The following DLG2 variants were observed in gnomAD, a reference collection of about 807,000 sequenced individuals.
DLG2 encodes discs large MAGUK scaffold protein 2, also known as disks large homolog 2.
A neutral mutation model predicts 132.5 loss-of-function variants in DLG2; 45 were observed. That is an observed-to-expected ratio of 0.34 (90% CI 0.27 to 0.44). The LOEUF (loss-of-function observed/expected upper bound fraction) is 0.44, where lower values mean the gene tolerates loss of function less well. Ranked by LOEUF, DLG2 falls within the 20% of genes least tolerant of loss-of-function variation. The probability of loss-of-function intolerance (pLI) is 1.00; values close to 1 mark genes in which losing one functional copy is unlikely to be tolerated. For missense variants in DLG2, 1,045 were observed against 1,196.9 expected (o/e 0.87, Z 1.87); for synonymous variants, 424 against 419.6 (o/e 1.01, Z -0.13).
chr11:83,625,628 C>T (rs534294673), intron 19 of DLG2, among the ~76,000 whole-genome samples: 3 of 152,296 alleles, frequency 2.0e-5, no homozygotes, highest in South Asian at 4.1e-4. Context: ...AGGAATAGAA[C>T]GACTAACTGT....
chr11:85,334,874 T>C (rs1565339383), intron 3 of DLG2, among the ~76,000 whole-genome samples: 1 of 152,224 alleles, frequency 6.6e-6, no homozygotes, highest in Non-Finnish European at 1.5e-5. Context: ...ATGTTTCATG[T>C]GACAATGAAA....
chr11:83,615,441 A>C (rs891336753), intron 19 of DLG2, among the ~76,000 whole-genome samples: 2 of 152,152 alleles, frequency 1.3e-5, no homozygotes, highest in Admixed American at 1.3e-4. Context: ...CTGTTCTTGA[A>C]TGTTATATAA....
chr11:85,616,184 A>G (rs975823974), intron 2 of DLG2, among the ~76,000 whole-genome samples: 1 of 152,168 alleles, frequency 6.6e-6, no homozygotes, highest in Non-Finnish European at 1.5e-5. Flanking sequence ...TACCACACTC[A>G]TACAGTAAAA....
intron 6 of DLG2, among the ~76,000 whole-genome samples, chr11:84,865,386 A>C (rs1389677576): frequency 1.3e-5 from 2 of 152,246 alleles, no homozygotes; most frequent in African/African-American, 4.8e-5. Context: ...TTGATAAGCC[A>C]GTAGAAATTA....
chr11:85,051,743 T>C (rs1419586992), intron 6 of DLG2, among the ~76,000 whole-genome samples: 1 of 152,206 alleles, frequency 6.6e-6, no homozygotes, highest in African/African-American at 2.4e-5. Context: ...TCATTTTTTC[T>C]AGTCTTTAAA....
At chr11:85,136,444 T>C (rs1191831701) in intron 5 of DLG2, among the ~76,000 whole-genome samples, 1 of 152,198 alleles carries the variant, frequency 6.6e-6, no homozygotes, top group African/African-American at 2.4e-5. Context: ...AAACATTATG[T>C]TGTTTTTATA....
At chr11:84,448,381 A>G (rs2099041726) in intron 7 of DLG2, among the ~76,000 whole-genome samples, 1 of 152,088 alleles carries the variant, frequency 6.6e-6, no homozygotes, top group Non-Finnish European at 1.5e-5. Flanking sequence ...CATGACATTT[A>G]TGAGCAATAA....
chr11:85,372,238 G>A (rs1375506305), intron 3 of DLG2, among the ~76,000 whole-genome samples: 1 of 152,228 alleles, frequency 6.6e-6, no homozygotes, highest in East Asian at 1.9e-4. Flanking sequence ...TCACTTGGAA[G>A]TTTCCTTTTT....
intron 5 of DLG2, among the ~76,000 whole-genome samples, chr11:85,150,263 G>A (rs865991478): frequency 4.6e-5 from 7 of 151,716 alleles, no homozygotes; most frequent in South Asian, 2.1e-4. Flanking sequence ...CTCGTGATCC[G>A]CCCGTCTCAG....
chr11:84,950,854 G>C (rs1412052489), intron 6 of DLG2, among the ~76,000 whole-genome samples: 1 of 151,676 alleles, frequency 6.6e-6, no homozygotes, highest in Non-Finnish European at 1.5e-5. Flanking sequence ...GGAAAATTTG[G>C]CTAGAAAAAA....
At chr11:84,982,050 A>G (rs1006355863) in intron 6 of DLG2, among the ~76,000 whole-genome samples, 2 of 152,138 alleles carry the variant, frequency 1.3e-5, no homozygotes, top group African/African-American at 4.8e-5. Context: ...CTTCCACAGT[A>G]TCATGCTTTC....
chr11:84,150,502 CAT>C (rs998058716), intron 9 of DLG2, among the ~76,000 whole-genome samples: 3 of 152,238 alleles, frequency 2.0e-5, no homozygotes, highest in Non-Finnish European at 2.9e-5. Context: ...GATAGAGAAA[CAT>C]AGTATTTTAT....
At chr11:83,904,603 T>G (rs944169088) in intron 15 of DLG2, among the ~76,000 whole-genome samples, 5 of 152,178 alleles carry the variant, frequency 3.3e-5, no homozygotes, top group African/African-American at 4.8e-5. Context: ...GATATTTGTA[T>G]AGTATACAGC....
chr11:84,167,470 A>C (rs1303215785), intron 8 of DLG2, among the ~76,000 whole-genome samples: 1 of 152,106 alleles, frequency 6.6e-6, no homozygotes, highest in African/African-American at 2.4e-5. Flanking sequence ...ACCTGCCTGG[A>C]TGATGATATA....
At chr11:84,267,374 A>G (rs1489566854) in intron 7 of DLG2, among the ~76,000 whole-genome samples, 1 of 152,206 alleles carries the variant, frequency 6.6e-6, no homozygotes, top group African/African-American at 2.4e-5. Flanking sequence ...ATAGGAGTTA[A>G]GTCCTGAAGG....
chr11:83,932,951 A>G (rs1245049392), intron 14 of DLG2, among the ~76,000 whole-genome samples: 2 of 152,144 alleles, frequency 1.3e-5, no homozygotes, highest in East Asian at 3.9e-4. Context: ...TAGCCACTGA[A>G]ATGCCTGCCC....
chr11:85,063,740 C>T (rs1244513394), intron 6 of DLG2, among the ~76,000 whole-genome samples: 1 of 151,614 alleles, frequency 6.6e-6, no homozygotes, highest in Non-Finnish European at 1.5e-5. Flanking sequence ...TGGAAATAAC[C>T]CCTGCTGCTT....
At chr11:85,122,580 T>C (rs977829793) in intron 5 of DLG2, among the ~76,000 whole-genome samples, 2 of 152,124 alleles carry the variant, frequency 1.3e-5, no homozygotes, top group Non-Finnish European at 2.9e-5. Flanking sequence ...TGAAGGGCAG[T>C]GCTTCTCAAA....
intron 6 of DLG2, among the ~76,000 whole-genome samples, chr11:84,988,517 T>C (rs2056748395): frequency 6.6e-6 from 1 of 152,148 alleles, no homozygotes; most frequent in Non-Finnish European, 1.5e-5. Context: ...ATATATTACA[T>C]ATATGATGGA....
Sources: gnomAD v4.1 joint callset for allele counts (sites outside exome capture counted in the v4.1 genomes callset) on GRCh38, gnomAD v4.1.1 for gene constraint, MANE v1.5 for transcripts, NCBI Gene and HGNC (gene_info 2026-07-23, HGNC 2026-07-21) for gene names.